The following RUNX1 variants were observed in gnomAD, a reference collection of about 807,000 sequenced individuals.
RUNX1 encodes the protein runt-related transcription factor 1.
In RUNX1, 19 loss-of-function variants were observed where a neutral mutation model predicts 42.8. That is an observed-to-expected ratio of 0.44 (90% CI 0.31 to 0.65). RUNX1 has a LOEUF of 0.65. RUNX1 is among the 30% of genes least tolerant of loss of function. The pLI is 0.07. For synonymous variants in RUNX1, 271 were observed against 289.4 expected (o/e 0.94, Z 0.64); for missense variants, 528 against 672.0 (o/e 0.79, Z 2.37).
At chr21:34,929,551 G>C (rs915543835) in intron 2 of RUNX1, among the ~76,000 whole-genome samples, 1 of 152,122 alleles carries the variant, frequency 6.6e-6, no homozygotes, top group South Asian at 2.1e-4. Flanking sequence ...AAGATGCCCA[G>C]ATCAATACCT....
intron 7 of RUNX1, among the ~76,000 whole-genome samples, chr21:34,815,011 G>A (rs1032603755): frequency 2.6e-5 from 4 of 152,134 alleles, no homozygotes; most frequent in Admixed American, 2.0e-4. Flanking sequence ...CTGACTGGCT[G>A]TGTAACTTCT....
intron 2 of RUNX1, among the ~76,000 whole-genome samples, chr21:34,992,588 T>C (rs1354262441): frequency 1.3e-5 from 2 of 151,250 alleles, no homozygotes; most frequent in African/African-American, 2.4e-5. Context: ...CAAGTGGTGA[T>C]TTCAGAGAGT....
At chr21:34,861,144 C>A (rs924088045) in intron 5 of RUNX1, among the ~76,000 whole-genome samples, 1 of 152,190 alleles carries the variant, frequency 6.6e-6, no homozygotes, top group Non-Finnish European at 1.5e-5. Flanking sequence ...AACCTAGAGA[C>A]GAGTCTTGTT....
intron 2 of RUNX1, among the ~76,000 whole-genome samples, chr21:34,987,686 G>A (rs922349969): frequency 1.3e-4 from 20 of 152,284 alleles, no homozygotes; most frequent in African/African-American, 4.6e-4. Flanking sequence ...GGGAAAAAAA[G>A]AGCATTTTAT....
intron 2 of RUNX1, among the ~76,000 whole-genome samples, chr21:34,934,635 C>T (rs2058472410): frequency 6.6e-6 from 1 of 152,160 alleles, no homozygotes; most frequent in South Asian, 2.1e-4. Context: ...CTTTAGGGGG[C>T]ATTAAAACCA....
At chr21:34,874,638 C>T (rs1213980454) in intron 5 of RUNX1, among the ~76,000 whole-genome samples, 1 of 85,282 alleles carries the variant, frequency 1.2e-5, no homozygotes, top group Non-Finnish European at 2.3e-5. Flanking sequence ...AAAAAAAAGA[C>T]AGTACACCAT....
Position 34,792,622 on chromosome 21 carries a change from G to C in RUNX1, c.968-12C>G. ...CAGGTCGGGTGCCGCTGCAGGGCGG[G>C]CAAGAGAACGGAGCGGAAGTGAGTA... On this transcript the variant is annotated splice_polypyrimidine_tract_variant and intron_variant, in intron 8 of 8. Coordinates refer to ENST00000675419, the MANE Select transcript of RUNX1 (RefSeq NM_001754.5). The surrounding 1 kb of genome is among the most constrained non-coding windows in gnomAD (Gnocchi z 6.9). The C allele has an allele frequency of 6.4e-7, 1 of 1,572,054 alleles. No individual in the cohort carries two copies. The highest frequency in any genetic ancestry group is 8.6e-7 in the Non-Finnish European group (1 of 1,159,136).
chr21:34,853,896 TC>T (rs2057460346), intron 6 of RUNX1, among the ~76,000 whole-genome samples: 1 of 151,750 alleles, frequency 6.6e-6, no homozygotes, highest in African/African-American at 2.4e-5. Flanking sequence ...CACTGCAACT[TC>T]CGCCTCCTGG....
intron 2 of RUNX1, among the ~76,000 whole-genome samples, chr21:34,902,187 A>G (rs1408646176): frequency 6.6e-6 from 1 of 152,238 alleles, no homozygotes; most frequent in Non-Finnish European, 1.5e-5. Flanking sequence ...CTCTTTCACT[A>G]GGAGAATTAT....
chr21:34,880,470 A>AT (rs1446928391), intron 5 of RUNX1, 87 bp downstream of exon 5: 1 of 1,262,136 alleles, frequency 7.9e-7, no homozygotes, highest in Non-Finnish European at 1.2e-6. Flanking sequence ...GTTTCTAGGG[A>AT]TTCCATCACA....
chr21:34,811,902 A>T (rs2145957354), intron 7 of RUNX1, among the ~76,000 whole-genome samples: 1 of 152,106 alleles, frequency 6.6e-6, no homozygotes, highest in East Asian at 1.9e-4. Flanking sequence ...AGTAGTGTTT[A>T]TTATACCTCT....
At chr21:34,920,984 G>A (rs180910041) in intron 2 of RUNX1, among the ~76,000 whole-genome samples, 1 of 152,044 alleles carries the variant, frequency 6.6e-6, no homozygotes, top group Non-Finnish European at 1.5e-5. Context: ...TCAGCCTCCT[G>A]AGTAGCTGGG....
rs2058233075 is a variant in RUNX1 at position 34,907,575 on chromosome 21, T to C, written c.59-14612A>G. Among the ~76,000 whole-genome samples the C allele has an allele frequency of 6.6e-6, 1 of 152,186 alleles. No homozygotes were observed. ...ATGTCTTATTTTCTTAGTACTCAAT[T>C]TGTTACTTGACTTGGTGTTTGGCTC... is the stretch of plus-strand genomic sequence containing the variant. On this transcript the variant is annotated intron_variant, in intron 2 of 8. Transcript: ENST00000675419. The surrounding 1 kb of genome is among the most constrained non-coding windows in gnomAD (Gnocchi z 5.3).
chr21:35,028,259 G>A (rs1432137400), intron 2 of RUNX1, among the ~76,000 whole-genome samples: 3 of 152,202 alleles, frequency 2.0e-5, no homozygotes, highest in Admixed American at 2.0e-4. Flanking sequence ...TGGTTTCTCA[G>A]GGTGGGTGCC....
intron 2 of RUNX1, among the ~76,000 whole-genome samples, chr21:35,047,557 ACACACTCT>A (rs878970047): frequency 1.2e-3 from 93 of 75,776 alleles, no homozygotes; most frequent in Admixed American, 3.8e-3. Flanking sequence ...ACACACACAC[ACACACTCT>A]CTCTCTCTCT....
chr21:34,988,523 C>T (rs778168965), intron 2 of RUNX1, among the ~76,000 whole-genome samples: 2 of 152,138 alleles, frequency 1.3e-5, no homozygotes, highest in Non-Finnish European at 2.9e-5. Context: ...TGTGGGCACT[C>T]GCCTCGGCTC....
intron 6 of RUNX1, among the ~76,000 whole-genome samples, chr21:34,857,626 C>A (rs1406705343): frequency 3.3e-5 from 5 of 152,196 alleles, no homozygotes; most frequent in Admixed American, 3.3e-4. Flanking sequence ...CCTGAAGGAG[C>A]ATTTCTCTAA....
Position 34,794,362 on chromosome 21 carries a change from A to G in RUNX1, c.968-1752T>C, listed in dbSNP as rs537299370. ...GCGAATGTCAGGGAATACCATTACC[A>G]CTCCTCCTCTCCATATCTACTTTCA... is the stretch of plus-strand genomic sequence containing the variant. On this transcript the variant is annotated intron_variant, in intron 8 of 8. Transcript: ENST00000675419. 3.3e-5 allele frequency among the ~76,000 whole-genome samples: 5 copies of G among 152,104 alleles called. No individual in the cohort carries two copies. The East Asian group carries it at 9.6e-4, about 29-fold the overall frequency.
chr21:34,792,078 C>T lies in RUNX1; in HGVS notation c.*57G>A. 3.6e-6 allele frequency: 4 copies of T among 1,125,620 alleles called. No individual in the cohort carries two copies. Among genetic ancestry groups the T allele is most frequent in the Non-Finnish European group, 4.6e-6 (4 of 869,316 alleles). 69.7% of individuals were successfully genotyped at this position (1,125,620 alleles called of 1,614,324 possible). Reference sequence around the variant, plus strand: ...GGGCTTGTCGCGAACAGGAGGCCCGCGCGCCCGGAGGCGAAGGCGGCGGCC... The same window carrying T: ...GGGCTTGTCGCGAACAGGAGGCCCGTGCGCCCGGAGGCGAAGGCGGCGGCC... On this transcript the variant is annotated 3_prime_UTR_variant, in exon 9 of 9. Coordinates refer to ENST00000675419, the MANE Select transcript of RUNX1 (RefSeq NM_001754.5). The surrounding 1 kb of genome is among the most constrained non-coding windows in gnomAD (Gnocchi z 6.9).
Sources: gnomAD v4.1 joint callset for allele counts (sites outside exome capture counted in the v4.1 genomes callset) on GRCh38, gnomAD v4.1.1 for gene constraint, Gnocchi (gnomAD v3.1) non-coding constraint, MANE v1.5 for transcripts, NCBI Gene and HGNC (gene_info 2026-07-23, HGNC 2026-07-21) for gene names.